Variants in CAMKK1 observed in about 807,000 individuals in gnomAD.
CAMKK1 encodes calcium/calmodulin dependent protein kinase kinase 1, also known as calcium/calmodulin-dependent protein kinase kinase 1.
CAMKK1 carries 20 observed loss-of-function variants against 63.5 expected under a neutral mutation model. The ratio of observed to expected loss-of-function variants is 0.32; its 90% CI spans 0.22 to 0.46. CAMKK1 has a LOEUF of 0.46. CAMKK1 is among the 20% of genes least tolerant of loss of function. CAMKK1 has a pLI of 1.00. For missense variants in CAMKK1, 588 were observed against 658.1 expected (o/e 0.89, Z 1.17); for synonymous variants, 253 against 269.0 (o/e 0.94, Z 0.58).
In CAMKK1 at chr17:3,876,406, G is replaced by T; in HGVS notation, c.813C>A (p.Ile271=). 6.2e-7 allele frequency: 1 copy of T among 1,614,084 alleles called. No individual in the cohort carries two copies. The highest frequency in any genetic ancestry group is 8.5e-7 in the Non-Finnish European group (1 of 1,179,970). The change falls in exon 10 of 16, where the codon ATC becomes ATA. Residue 271 remains isoleucine (I), a synonymous_variant. Coordinates refer to ENST00000348335, the MANE Select transcript of CAMKK1 (RefSeq NM_032294.3). ...LGLEYLHCQK[I]VHRDIKPSNL... Reference sequence around the variant, plus strand: ...TGGATGGCTTGATGTCCCTGTGGACGATCTTCTGGCAGTGCACTGCAGAGA... The same window carrying T: ...TGGATGGCTTGATGTCCCTGTGGACTATCTTCTGGCAGTGCACTGCAGAGA...
chr17:3,884,417 T>C lies in CAMKK1; in HGVS notation c.371A>G (p.Gln124Arg), dbSNP rs146440202. Reference sequence around the variant, plus strand: ...ACTCTGCAGCTTGTACTGGTTCAGCTGCACGCAGTCCTGTGGGGGAAGAGC... The same window carrying C: ...ACTCTGCAGCTTGTACTGGTTCAGCCGCACGCAGTCCTGTGGGGGAAGAGC... ...VAISDAEDCV[Q>R]LNQYKLQSEI... is the part of the protein sequence containing the mutation. The change falls in exon 3 of 16, where the codon CAG becomes CGG. Residue 124 changes from glutamine to arginine, a missense_variant. Physicochemically the swap from Gln to Arg is conservative, Grantham distance 43. Coordinates refer to ENST00000348335, the MANE Select transcript of CAMKK1 (RefSeq NM_032294.3). The surrounding 1 kb of genome is among the most constrained non-coding windows in gnomAD (Gnocchi z 4.5). 6.2e-7 allele frequency: 1 copy of C among 1,613,768 alleles called. No homozygotes were observed. The highest frequency in any genetic ancestry group is 1.3e-5 in the African/African-American group (1 of 75,040).
chr17:3,870,442 T>C (rs1235106238), intron 12 of CAMKK1, among the ~76,000 whole-genome samples: 1 of 151,758 alleles, frequency 6.6e-6, no homozygotes, highest in African/African-American at 2.4e-5. Flanking sequence ...CTCGGCTCAC[T>C]GCAAGCTCCG....
chr17:3,884,042 T>A lies in CAMKK1; in HGVS notation c.409-105A>T. On this transcript the variant is annotated intron_variant, in intron 3 of 15. Transcript: ENST00000348335. The surrounding 1 kb of genome is among the most constrained non-coding windows in gnomAD (Gnocchi z 4.5). Reference sequence around the variant, plus strand: ...GCTCTGGTCTCTCCTGCACCCCATCTGCACTACCCACCACCAGCTGGCTCA... The same window carrying A: ...GCTCTGGTCTCTCCTGCACCCCATCAGCACTACCCACCACCAGCTGGCTCA... 9.1e-7 allele frequency: 1 copy of A among 1,096,426 alleles called. No homozygotes were observed. The highest frequency in any genetic ancestry group is 2.5e-5 in the East Asian group (1 of 40,522). 67.9% of individuals were successfully genotyped at this position (1,096,426 alleles called of 1,614,324 possible). A position where few individuals can be genotyped will look rare whatever the true frequency, so the allele number is the denominator to read the frequency against.
In CAMKK1 at chr17:3,878,207, C is replaced by T. The variant is rs535739823; in HGVS notation, c.797-1785G>A. The stretch of plus-strand genomic sequence containing the variant: ...GAGAACCAGGCCTGGGCCACCCTGA[C>T]CACCGAGCCCTCTCATGGCAGCCTC... On this transcript the variant is annotated intron_variant, in intron 9 of 15. Coordinates refer to ENST00000348335, the MANE Select transcript of CAMKK1 (RefSeq NM_032294.3). 2.0e-5 allele frequency among the ~76,000 whole-genome samples: 3 copies of T among 152,326 alleles called. No homozygotes were observed. In the East Asian group the frequency reaches 5.8e-4, roughly 29 times the overall value.
At chr17:3,872,667 G>A (rs956713590) in intron 11 of CAMKK1, 40 bp from the exon 12 acceptor site, 16 of 1,565,930 alleles carry the variant, frequency 1.0e-5, no homozygotes, top group African/African-American at 5.4e-5. Context: ...TGGGTCCAGG[G>A]CCTCGACCTG....
In CAMKK1 at chr17:3,884,352, C is replaced by A. The variant is rs557215947; in HGVS notation, c.408+28G>T. On this transcript the variant is annotated intron_variant, in intron 3 of 15. Coordinates refer to ENST00000348335, the MANE Select transcript of CAMKK1 (RefSeq NM_032294.3). The surrounding 1 kb of genome is among the most constrained non-coding windows in gnomAD (Gnocchi z 4.5). ...CGCCAAACAGAGAATCCCGAAGCCC[C>A]CACTGCTCTCGGCCTGCCCACTCCT... is the stretch of plus-strand genomic sequence containing the variant. 102 of 1,611,906 alleles carry A rather than the reference C, an allele frequency of 6.3e-5. No individual in the cohort carries two copies. The highest frequency in any genetic ancestry group is 8.4e-5 in the Non-Finnish European group (99 of 1,178,260).
intron 12 of CAMKK1, among the ~76,000 whole-genome samples, 137 bp downstream of exon 12, chr17:3,872,392 AGTCCCTCCCGTCCATCTATTCAGGG>A (rs1401952759): frequency 2.6e-5 from 4 of 152,178 alleles, no homozygotes; most frequent in Non-Finnish European, 4.4e-5. Context: ...TTGGCTCCAG[AGTCCCTCCCGTCCATCTATTCAGGG>A]GTCCCTCCCA....
chr17:3,890,888 C>T lies in CAMKK1; in HGVS notation c.-44+2051G>A, dbSNP rs1231309568. 1 of 686,418 alleles carries T rather than the reference C, an allele frequency of 1.5e-6. No homozygotes were observed. The highest frequency in any genetic ancestry group is 2.7e-6 in the Non-Finnish European group (1 of 368,062). The allele number at this position is 686,418 out of a possible 1,614,324, so 42.5% of individuals were successfully genotyped here. On this transcript the variant is annotated intron_variant, in intron 1 of 15. Coordinates refer to ENST00000348335, the MANE Select transcript of CAMKK1 (RefSeq NM_032294.3). This position sits in a 1 kb window ranked among gnomAD's most constrained non-coding sequence, Gnocchi z 6.5. ...TGGGTGAGCTCACCAAGTCAAACCC[C>T]TTAGAAGTCCAGATTCTACCCACTG...
chr17:3,877,982 C>T (rs2055241793), intron 9 of CAMKK1, among the ~76,000 whole-genome samples: 1 of 152,118 alleles, frequency 6.6e-6, no homozygotes, highest in Non-Finnish European at 1.5e-5. Context: ...AAAATCAAAA[C>T]AAAGCAAAAC....
At chr17:3,870,701 A>C (rs2054809209) in intron 12 of CAMKK1, among the ~76,000 whole-genome samples, 2 of 152,058 alleles carry the variant, frequency 1.3e-5, no homozygotes, top group African/African-American at 4.8e-5. Context: ...GGTCTTGGGG[A>C]GCCCATCCTT....
chr17:3,873,688 T>C (rs949383893), intron 10 of CAMKK1, among the ~76,000 whole-genome samples: 1 of 152,126 alleles, frequency 6.6e-6, no homozygotes, highest in South Asian at 2.1e-4. Flanking sequence ...CTGGATTTCC[T>C]TGGGAAAGAC....
At position 3,892,024 on chromosome 17, in the gene CAMKK1, G is replaced by A. The variant is rs1397465354; in HGVS notation, c.-44+915C>T. On this transcript the variant is annotated intron_variant, in intron 1 of 15. Coordinates refer to ENST00000348335, the MANE Select transcript of CAMKK1 (RefSeq NM_032294.3). The surrounding 1 kb of genome is among the most constrained non-coding windows in gnomAD (Gnocchi z 7.5). ...AGTGGGGGGTCAATTTGTATGTACT[G>A]GAGGAAAGAGGGCAGGGCTTGGGGA... 6.6e-6 allele frequency among the ~76,000 whole-genome samples: 1 copy of A among 152,100 alleles called. No individual in the cohort carries two copies. The highest frequency in any genetic ancestry group is 1.5e-5 in the Non-Finnish European group (1 of 67,990).
Position 3,884,012 on chromosome 17 carries a change from G to A in CAMKK1, c.409-75C>T, listed in dbSNP as rs938585188. 4.4e-5 allele frequency: 63 copies of A among 1,434,322 alleles called. No individual in the cohort carries two copies. The highest frequency in any genetic ancestry group is 1.5e-4 in the Admixed American group (9 of 58,080). The allele number at this position is 1,434,322 out of a possible 1,614,324, so 88.8% of individuals were successfully genotyped here. Reference sequence around the variant, plus strand: ...GGACCAGCTCAGGAGGTGGGGAGCCGAGCAGCTCTGGTCTCTCCTGCACCC... The same window carrying A: ...GGACCAGCTCAGGAGGTGGGGAGCCAAGCAGCTCTGGTCTCTCCTGCACCC... On this transcript the variant is annotated intron_variant, in intron 3 of 15. Transcript: ENST00000348335. This position sits in a 1 kb window ranked among gnomAD's most constrained non-coding sequence, Gnocchi z 4.5.
In CAMKK1 at chr17:3,881,746, T is replaced by C. The variant is rs1180392634; in HGVS notation, c.686-98A>G. On this transcript the variant is annotated intron_variant, in intron 7 of 15. Transcript: ENST00000348335. ...TGGAGGGTAGGAGAGGGGGCAGGCA[T>C]GCAGGCATACTCGAGGCAGGGACAG... The C allele has an allele frequency of 2.6e-5, 29 of 1,116,098 alleles. 1 individual carries two copies. Among genetic ancestry groups the C allele is most frequent in the Non-Finnish European group, 1.3e-6 (1 of 751,550 alleles). 69.1% of individuals were successfully genotyped at this position (1,116,098 alleles called of 1,614,324 possible). A position where few individuals can be genotyped will look rare whatever the true frequency, so the allele number is the denominator to read the frequency against.
chr17:3,872,599 G>A lies in CAMKK1; in HGVS notation c.1079C>T (p.Ala360Val). ...KCPFIDDFILALHRKIKNEPV... is the reference protein window; with the variant it reads ...KCPFIDDFILVLHRKIKNEPV... ...CTCATTCTTGATCTTCCTGTGGAGG[G>A]CCAGGATGAAATCGTCGATGAATGG... The change falls in exon 12 of 16, where the codon GCC (alanine) becomes GTC (valine). Residue 360 changes from alanine (A) to valine (V), a missense_variant. This residue lies in a region of CAMKK1 where 226 missense variants were observed against 229.2 expected (regional missense o/e 0.99). Transcript: ENST00000348335. 1 of 1,613,968 alleles carries A rather than the reference G, an allele frequency of 6.2e-7. No homozygotes were observed. The highest frequency in any genetic ancestry group is 8.5e-7 in the Non-Finnish European group (1 of 1,179,852).
chr17:3,876,826 C>T (rs985146918), intron 9 of CAMKK1, among the ~76,000 whole-genome samples: 14 of 147,708 alleles, frequency 9.5e-5, no homozygotes, highest in Admixed American at 1.4e-4. Flanking sequence ...GGCGTGATCT[C>T]GGCTCACTGC....
Position 3,883,541 on chromosome 17 carries a change from G to A in CAMKK1, c.463-61C>T. 7.3e-7 allele frequency: 1 copy of A among 1,361,616 alleles called. No homozygotes were observed. The highest frequency in any genetic ancestry group is 1.1e-6 in the Non-Finnish European group (1 of 949,992). 84.3% of individuals were successfully genotyped at this position (1,361,616 alleles called of 1,614,324 possible). On this transcript the variant is annotated intron_variant, in intron 4 of 15. Transcript: ENST00000348335. This position sits in a 1 kb window ranked among gnomAD's most constrained non-coding sequence, Gnocchi z 4.7. The stretch of plus-strand genomic sequence containing the variant: ...AGCCACCAGGGGCTAGAACAGGCTG[G>A]TACATGTGGACTGAGGTCCGGAGAG...
Position 3,869,794 on chromosome 17 carries a change from C to T in CAMKK1, c.1212+7G>A. On this transcript the variant is annotated splice_region_variant and intron_variant, in intron 13 of 15. Coordinates refer to ENST00000348335, the MANE Select transcript of CAMKK1 (RefSeq NM_032294.3). ...CCAGCCCAGCCCAAGACCCCCAGTT[C>T]CCCGACCTTGATGTCTGGCACCCCA... is the stretch of plus-strand genomic sequence containing the variant. 6.2e-7 allele frequency: 1 copy of T among 1,613,802 alleles called. No individual in the cohort carries two copies. Among genetic ancestry groups the T allele is most frequent in the Non-Finnish European group, 8.5e-7 (1 of 1,179,670 alleles).
chr17:3,882,980 AC>A lies in CAMKK1; in HGVS notation c.648+61del. 1 of 1,595,246 alleles carries A rather than the reference AC, an allele frequency of 6.3e-7. No homozygotes were observed. Among genetic ancestry groups the A allele is most frequent in the Non-Finnish European group, 8.6e-7 (1 of 1,169,254 alleles). ...GGGTCTGTGCTAGGGGCTCCCCAGC[AC>A]CAGAAGCGGCTCCCATGAGACTCAG... is the stretch of plus-strand genomic sequence containing the variant. On this transcript the variant is annotated intron_variant, in intron 6 of 15. Transcript: ENST00000348335. The surrounding 1 kb of genome is among the most constrained non-coding windows in gnomAD (Gnocchi z 4.3).
Sources: allele counts gnomAD v4.1 joint callset (sites outside exome capture counted in the v4.1 genomes callset), GRCh38; gene constraint gnomAD v4.1.1; regional missense constraint gnomAD v4.1.1; non-coding constraint Gnocchi (gnomAD v3.1); transcripts MANE v1.5; gene names NCBI Gene and HGNC (gene_info 2026-07-23, HGNC 2026-07-21).